Variants in TTLL9 observed in about 807,000 individuals in gnomAD.
The protein encoded by TTLL9 is probable tubulin polyglutamylase TTLL9.
In TTLL9, 47 loss-of-function variants were observed where a neutral mutation model predicts 65.6. The observed-to-expected ratio is 0.72, with a 90% CI of 0.57 to 0.91. The LOEUF is 0.91. TTLL9 is among the 40% of genes least tolerant of loss of function. The pLI is 0.00. For missense variants in TTLL9, 537 were observed against 568.8 expected (o/e 0.94, Z 0.57); for synonymous variants, 179 against 204.8 (o/e 0.87, Z 1.07).
chr20:31,873,836 GAAA>G (rs2062995942), intron 2 of TTLL9, among the ~76,000 whole-genome samples: 1 of 110,924 alleles, frequency 9.0e-6, no homozygotes, highest in Admixed American at 8.8e-5. Context: ...AAGAAAGAAA[GAAA>G]GAAAGAAAGA....
intron 2 of TTLL9, among the ~76,000 whole-genome samples, chr20:31,883,542 T>C (rs1200739056): frequency 6.6e-6 from 1 of 152,128 alleles, no homozygotes; most frequent in East Asian, 1.9e-4. Flanking sequence ...TGAGAAATGC[T>C]TAATAAAATG....
In TTLL9 at chr20:31,873,684, G is replaced by GAA. The variant is rs1555799713; in HGVS notation, c.69+2490_69+2491insAA. Reference sequence around the variant, plus strand: ...CAAAAGAAAGAAAGAAAGAGAGAGAGAGAAAGAAAGAAAGAAAGAAAGAAA... The same window carrying GAA: ...CAAAAGAAAGAAAGAAAGAGAGAGAGAAAGAAAGAAAGAAAGAAAGAAAGAAA... On this transcript the variant is annotated intron_variant, in intron 2 of 14. Transcript: ENST00000535842. Among the ~76,000 whole-genome samples the GAA allele has an allele frequency of 1.9e-3, 196 of 100,580 alleles. 3 individuals are homozygous for GAA. In the East Asian group the frequency reaches 0.02, roughly 10 times the overall value. 66.0% of individuals were successfully genotyped at this position (100,580 alleles called of 152,430 possible).
intron 3 of TTLL9, among the ~76,000 whole-genome samples, chr20:31,888,309 T>A (rs1294173246): frequency 6.6e-6 from 1 of 152,210 alleles, no homozygotes; most frequent in South Asian, 2.1e-4. Flanking sequence ...ATACTGACTA[T>A]CCCACCAACT....
chr20:31,881,168 T>C (rs1311796787), intron 2 of TTLL9, among the ~76,000 whole-genome samples: 1 of 152,180 alleles, frequency 6.6e-6, no homozygotes, highest in Non-Finnish European at 1.5e-5. Flanking sequence ...CTGGTCAACC[T>C]CTTATTTCTT....
intron 2 of TTLL9, among the ~76,000 whole-genome samples, chr20:31,881,602 CTTT>C (rs5841092): frequency 5.6e-5 from 7 of 125,250 alleles, no homozygotes; most frequent in Admixed American, 8.6e-5. Flanking sequence ...ACACATATAA[CTTT>C]TTTTTTTTTT....
Position 31,937,558 on chromosome 20 carries a change from G to C in TTLL9, c.1118+49G>C, listed in dbSNP as rs2123640066. On this transcript the variant is annotated intron_variant, in intron 13 of 14. Coordinates refer to ENST00000535842, the MANE Select transcript of TTLL9 (RefSeq NM_001008409.5). Reference sequence around the variant, plus strand: ...CATGTCCTTGTACATGACAACTGAGGCTCCCACCAAGGAAGAGGGGGAGCT... The same window carrying C: ...CATGTCCTTGTACATGACAACTGAGCCTCCCACCAAGGAAGAGGGGGAGCT... 5.4e-6 allele frequency: 8 copies of C among 1,486,998 alleles called. No homozygotes were observed. In the South Asian group the frequency reaches 8.3e-5, roughly 15 times the overall value. 92.1% of individuals were successfully genotyped at this position (1,486,998 alleles called of 1,614,324 possible). A position where few individuals can be genotyped will look rare whatever the true frequency, so the allele number is the denominator to read the frequency against.
chr20:31,912,622 TGTGTGTG>T (rs2063674176), intron 6 of TTLL9, among the ~76,000 whole-genome samples: 1 of 151,278 alleles, frequency 6.6e-6, no homozygotes, highest in African/African-American at 2.4e-5. Flanking sequence ...TGTGTGTGTG[TGTGTGTG>T]TGTGTGTGTG....
chr20:31,900,025 G>C (rs1160827409), intron 4 of TTLL9, among the ~76,000 whole-genome samples: 3 of 152,196 alleles, frequency 2.0e-5, no homozygotes, highest in Non-Finnish European at 4.4e-5. Context: ...CTCCTGAAGT[G>C]CTGGGATTAC....
rs899064183 is a variant in TTLL9, at chr20:31,944,083, C to T, written c.*1062C>T. On this transcript the variant is annotated 3_prime_UTR_variant, in exon 15 of 15. Transcript: ENST00000535842. Reference sequence around the variant, plus strand: ...AATACTGGCAAATCCAAGAAGTGAACCAGCCGACTTTAGGAAAGCCAGAAG... The same window carrying T: ...AATACTGGCAAATCCAAGAAGTGAATCAGCCGACTTTAGGAAAGCCAGAAG... 4 of 330,366 alleles carry T rather than the reference C, an allele frequency of 1.2e-5. No individual in the cohort carries two copies. The highest frequency in any genetic ancestry group is 8.6e-5 in the African/African-American group (4 of 46,472). The allele number at this position is 330,366 out of a possible 1,614,324, so 20.5% of individuals were successfully genotyped here.
At chr20:31,889,356 G>T (rs1166589344) in intron 3 of TTLL9, among the ~76,000 whole-genome samples, 1 of 152,094 alleles carries the variant, frequency 6.6e-6, no homozygotes, top group Non-Finnish European at 1.5e-5. Context: ...GATCTCCCAG[G>T]CTCATGCAAT....
In TTLL9 at chr20:31,882,626, T is replaced by A. The variant is rs187616875; in HGVS notation, c.70-4570T>A. On this transcript the variant is annotated intron_variant, in intron 2 of 14. Transcript: ENST00000535842. Reference sequence around the variant, plus strand: ...ATCATTTTCTCAATAAGATAATTTTTTAAAAAAAAACTCTTGTAGCCTTGT... The same window carrying A: ...ATCATTTTCTCAATAAGATAATTTTATAAAAAAAAACTCTTGTAGCCTTGT... Among the ~76,000 whole-genome samples the A allele has an allele frequency of 4.8e-3, 730 of 152,158 alleles. 3 individuals are homozygous for A. Among genetic ancestry groups the A allele is most frequent in the African/African-American group, 0.017 (701 of 41,514 alleles).
At chr20:31,939,343 G>C in intron 14 of TTLL9, 77 bp downstream of exon 14, 1 of 1,545,792 alleles carries the variant, frequency 6.5e-7, no homozygotes, top group Non-Finnish European at 8.8e-7. Flanking sequence ...AGGCAGCTTG[G>C]GATAGTGGTT....
chr20:31,883,200 CTTTT>C (rs776036423), intron 2 of TTLL9, among the ~76,000 whole-genome samples: 5 of 140,070 alleles, frequency 3.6e-5, no homozygotes, highest in Admixed American at 7.2e-5. Context: ...AGAATTCTTT[CTTTT>C]TTTTTTTTTT....
chr20:31,909,077 T>C (rs2063603370), intron 5 of TTLL9, among the ~76,000 whole-genome samples: 1 of 147,892 alleles, frequency 6.8e-6, no homozygotes, highest in Non-Finnish European at 1.5e-5. Flanking sequence ...GAGGAGGCAG[T>C]GGTGGGAGAT....
At chr20:31,918,384 T>C (rs534213376) in intron 6 of TTLL9, among the ~76,000 whole-genome samples, 22 of 152,142 alleles carry the variant, frequency 1.4e-4, no homozygotes, top group South Asian at 1.0e-3. Context: ...TTCTTTCTTT[T>C]TTTTTTAACA....
chr20:31,873,128 AG>A, intron 2 of TTLL9: 1 of 436,192 alleles, frequency 2.3e-6, no homozygotes, highest in South Asian at 1.6e-5. Context: ...ATATTTTCAC[AG>A]GGCAGCTGAA....
At position 31,900,069 on chromosome 20, in the gene TTLL9, A is replaced by C. The variant is rs987258761; in HGVS notation, c.206+1504A>C. On this transcript the variant is annotated intron_variant, in intron 4 of 14. Transcript: ENST00000535842. ...GCCACTGTGCCTGGCCGAATCTGGAAAATGTAGTTTTTATTCAGGGAAATA... is the reference window on the plus strand; with the variant it reads ...GCCACTGTGCCTGGCCGAATCTGGACAATGTAGTTTTTATTCAGGGAAATA... 6.6e-5 allele frequency among the ~76,000 whole-genome samples: 10 copies of C among 152,288 alleles called. 1 individual carries two copies. The highest frequency in any genetic ancestry group is 2.4e-4 in the African/African-American group (10 of 41,566).
At chr20:31,940,587 G>T (rs534893349) in intron 14 of TTLL9, 1 of 152,294 alleles carries the variant, frequency 6.6e-6, no homozygotes, top group South Asian at 2.1e-4. Flanking sequence ...GCAGCTTAAA[G>T]CAACTATTTT....
chr20:31,919,840 C>T (rs2063789636), intron 6 of TTLL9, 24 bp from the exon 7 acceptor site: 1 of 1,574,904 alleles, frequency 6.3e-7, no homozygotes, highest in Non-Finnish European at 8.6e-7. Flanking sequence ...TAAGAGCTGG[C>T]TTTCTGCCCC....
Sources: allele counts gnomAD v4.1 joint callset (sites outside exome capture counted in the v4.1 genomes callset), GRCh38; gene constraint gnomAD v4.1.1; transcripts MANE v1.5; gene names NCBI Gene and HGNC (gene_info 2026-07-23, HGNC 2026-07-21).